CNTNAP2: variants seen among roughly 807,000 people sequenced by gnomAD.
CNTNAP2 encodes contactin associated protein 2.
Under a neutral mutation model 155.2 loss-of-function variants are expected in CNTNAP2, and 98 were observed. The ratio of observed to expected loss-of-function variants is 0.63; its 90% CI spans 0.54 to 0.75. CNTNAP2 has a LOEUF of 0.75. Ranked by LOEUF, CNTNAP2 falls within the 30% of genes least tolerant of loss-of-function variation. The pLI, the probability that CNTNAP2 is intolerant of heterozygous loss-of-function variation, is 0.00. For synonymous variants in CNTNAP2, 651 were observed against 631.2 expected (o/e 1.03, Z -0.47); for missense variants, 1,727 against 1,688.1 (o/e 1.02, Z -0.40).
intron 4 of CNTNAP2, chr7:147,083,030 T>C (rs921349661): frequency 6.6e-6 from 1 of 152,126 alleles, no homozygotes; most frequent in Non-Finnish European, 1.5e-5. Flanking sequence ...TCAGCACGCC[T>C]CTCATCCTCT....
At chr7:146,745,764 GAAA>G (rs112857634) in intron 1 of CNTNAP2, among the ~76,000 whole-genome samples, 9 of 96,916 alleles carry the variant, frequency 9.3e-5, no homozygotes, top group African/African-American at 1.6e-4. Context: ...GACTCCATCT[GAAA>G]AAAAAAAAAA....
intron 1 of CNTNAP2, among the ~76,000 whole-genome samples, chr7:146,493,945 A>C (rs1473022303): frequency 1.3e-5 from 2 of 152,168 alleles, no homozygotes; most frequent in Non-Finnish European, 2.9e-5. Context: ...TGATAGGTGC[A>C]CTCATATCTC....
At chr7:147,790,174 C>T (rs570255914) in intron 13 of CNTNAP2, among the ~76,000 whole-genome samples, 3 of 152,250 alleles carry the variant, frequency 2.0e-5, no homozygotes, top group African/African-American at 7.2e-5. Context: ...TAAATGTCAC[C>T]TACTAGGAAG....
rs34887239 is a variant in CNTNAP2 at position 148,375,838 on chromosome 7, C to CAA, written c.3476-7799_3476-7798dup. Among the ~76,000 whole-genome samples the CAA allele has an allele frequency of 2.8e-4, 11 of 38,624 alleles. 3 individuals are homozygous for CAA. The highest frequency in any genetic ancestry group is 5.1e-4 in the Non-Finnish European group (8 of 15,780). 25.3% of individuals were successfully genotyped at this position (38,624 alleles called of 152,430 possible). On this transcript the variant is annotated intron_variant, in intron 21 of 23. Transcript: ENST00000361727. ...TGAAACCCCCTCTCTACTAAAAATA[C>CAA]AAAAAAAAAAAAATTAGCCAGACAT...
intron 5 of CNTNAP2, among the ~76,000 whole-genome samples, chr7:147,118,014 T>C (rs1379408321): frequency 6.6e-6 from 1 of 151,906 alleles, no homozygotes; most frequent in Non-Finnish European, 1.5e-5. Context: ...AAATCATGAA[T>C]AAGAAATTAT....
chr7:148,071,508 A>G (rs1585110069), intron 15 of CNTNAP2, among the ~76,000 whole-genome samples: 1 of 152,200 alleles, frequency 6.6e-6, no homozygotes, highest in Admixed American at 6.5e-5. Flanking sequence ...CACACAAAAT[A>G]TGGATAAAAT....
At chr7:146,760,450 G>T (rs1160744358) in intron 1 of CNTNAP2, among the ~76,000 whole-genome samples, 6 of 83,108 alleles carry the variant, frequency 7.2e-5, no homozygotes, top group Admixed American at 2.7e-4. Flanking sequence ...TTTGAGACAG[G>T]GTCTGGCTCT....
intron 9 of CNTNAP2, among the ~76,000 whole-genome samples, chr7:147,347,761 C>A (rs75773086): frequency 6.6e-6 from 1 of 151,922 alleles, no homozygotes; most frequent in Non-Finnish European, 1.5e-5. Context: ...AGAGGCTTTG[C>A]GTTACCTGAC....
At chr7:146,942,552 AAAC>A (rs1373817067) in intron 3 of CNTNAP2, among the ~76,000 whole-genome samples, 1 of 152,156 alleles carries the variant, frequency 6.6e-6, no homozygotes, top group Non-Finnish European at 1.5e-5. Context: ...TAAAAACAAA[AAAC>A]TTGCATAAAT....
At chr7:148,382,886 G>C (rs1799098045) in intron 21 of CNTNAP2, among the ~76,000 whole-genome samples, 1 of 152,210 alleles carries the variant, frequency 6.6e-6, no homozygotes, top group South Asian at 2.1e-4. Context: ...GGAACAGAGG[G>C]CCATTGATTT....
chr7:146,686,000 GA>G (rs887328282), intron 1 of CNTNAP2, among the ~76,000 whole-genome samples: 4 of 151,968 alleles, frequency 2.6e-5, no homozygotes, highest in Non-Finnish European at 5.9e-5. Flanking sequence ...TTGGGATTCA[GA>G]AAAAAATATT....
At chr7:146,920,173 G>A (rs1796472932) in intron 3 of CNTNAP2, among the ~76,000 whole-genome samples, 1 of 152,090 alleles carries the variant, frequency 6.6e-6, no homozygotes, top group Non-Finnish European at 1.5e-5. Context: ...CAGCACTTTG[G>A]GAGGCCGAGG....
chr7:146,130,481 T>G (rs1470856110), intron 1 of CNTNAP2, among the ~76,000 whole-genome samples: 3 of 152,198 alleles, frequency 2.0e-5, no homozygotes, highest in African/African-American at 7.2e-5. Context: ...CTTAATAATT[T>G]TTTTAAAAAG....
chr7:147,276,571 C>A (rs901536951), intron 8 of CNTNAP2, among the ~76,000 whole-genome samples: 1 of 151,924 alleles, frequency 6.6e-6, no homozygotes, highest in African/African-American at 2.4e-5. Context: ...AAACTTGAAG[C>A]TCATATTGGA....
At chr7:146,818,990 A>G (rs1332718459) in intron 2 of CNTNAP2, among the ~76,000 whole-genome samples, 1 of 152,130 alleles carries the variant, frequency 6.6e-6, no homozygotes, top group Non-Finnish European at 1.5e-5. Flanking sequence ...GTTTTATTCT[A>G]TACCAATCCT....
At chr7:147,750,722 G>A (rs887058163) in intron 13 of CNTNAP2, among the ~76,000 whole-genome samples, 6 of 152,186 alleles carry the variant, frequency 3.9e-5, no homozygotes, top group African/African-American at 1.4e-4. Context: ...CCAGCAATGA[G>A]CTTAGGCTAC....
intron 13 of CNTNAP2, among the ~76,000 whole-genome samples, chr7:147,751,946 C>T (rs1437657748): frequency 2.0e-5 from 3 of 152,112 alleles, no homozygotes; most frequent in Non-Finnish European, 4.4e-5. Context: ...AGTGCATATA[C>T]AAATCCACGG....
chr7:147,878,157 T>C (rs1799456752), intron 13 of CNTNAP2, among the ~76,000 whole-genome samples: 1 of 152,070 alleles, frequency 6.6e-6, no homozygotes, highest in African/African-American at 2.4e-5. Context: ...TTTTTTTTTT[T>C]CTTTTTCTTT....
intron 17 of CNTNAP2, among the ~76,000 whole-genome samples, chr7:148,156,387 T>G (rs1805398351): frequency 6.6e-6 from 1 of 152,172 alleles, no homozygotes. Flanking sequence ...TGAAATACTT[T>G]CTTCCCACAG....
Sources: gnomAD v4.1 joint callset for allele counts (sites outside exome capture counted in the v4.1 genomes callset) on GRCh38, gnomAD v4.1.1 for gene constraint, MANE v1.5 for transcripts, NCBI Gene and HGNC (gene_info 2026-07-23, HGNC 2026-07-21) for gene names.